The following RYK variants were observed in gnomAD, a reference collection of about 807,000 sequenced individuals.
RYK encodes receptor like tyrosine kinase, also known as inactive tyrosine-protein kinase RYK.
Under a neutral mutation model 70.2 loss-of-function variants are expected in RYK, and 21 were observed. The ratio of observed to expected loss-of-function variants is 0.30; its 90% confidence interval spans 0.21 to 0.43. RYK has a LOEUF of 0.43. Among genes scored for constraint, RYK ranks in the 20% least tolerant of loss-of-function variants. RYK has a pLI of 1.00. For synonymous variants in RYK, 267 were observed against 278.0 expected (o/e 0.96, Z 0.39); for missense variants, 604 against 753.3 (o/e 0.80, Z 2.32).
intron 1 of RYK, among the ~76,000 whole-genome samples, chr3:134,242,709 A>C (rs1002013094): frequency 1.3e-5 from 2 of 152,184 alleles, no homozygotes; most frequent in African/African-American, 4.8e-5. Flanking sequence ...AAATACTCAC[A>C]TGTTTGATTT....
intron 1 of RYK, among the ~76,000 whole-genome samples, chr3:134,245,130 T>C (rs1438708720): frequency 6.6e-6 from 1 of 152,180 alleles, no homozygotes; most frequent in Non-Finnish European, 1.5e-5. Flanking sequence ...ATCTATAAAA[T>C]GGAAATGACA....
intron 5 of RYK, 129 bp from the exon 6 acceptor site, chr3:134,203,003 T>C (rs2014073827): frequency 5.6e-6 from 4 of 711,934 alleles, no homozygotes; most frequent in South Asian, 4.2e-5. Flanking sequence ...ACCAGTAGCA[T>C]ATTGGTGGAA....
chr3:134,162,532 C>T (rs1056920695), intron 13 of RYK, among the ~76,000 whole-genome samples: 7 of 152,110 alleles, frequency 4.6e-5, no homozygotes, highest in African/African-American at 1.7e-4. Flanking sequence ...TTGGAGGCTA[C>T]TGAAATTTCC....
intron 1 of RYK, among the ~76,000 whole-genome samples, chr3:134,238,391 G>C (rs1200528531): frequency 6.6e-6 from 1 of 152,190 alleles, no homozygotes; most frequent in African/African-American, 2.4e-5. Context: ...AGGAGGATTA[G>C]AGAGAGCTTT....
intron 1 of RYK, 78 bp downstream of exon 1, chr3:134,250,345 G>T: frequency 1.1e-6 from 1 of 912,890 alleles, no homozygotes; most frequent in Non-Finnish European, 1.5e-6. Context: ...TCCACGGCTC[G>T]CAGACTGATC....
chr3:134,217,279 C>G (rs941418702), intron 2 of RYK, among the ~76,000 whole-genome samples: 1 of 152,190 alleles, frequency 6.6e-6, no homozygotes, highest in African/African-American at 2.4e-5. Context: ...AGTATTAGAG[C>G]TTGAGAGCCA....
At chr3:134,190,836 T>G (rs1160860675) in intron 8 of RYK, among the ~76,000 whole-genome samples, 1 of 151,896 alleles carries the variant, frequency 6.6e-6, no homozygotes, top group Non-Finnish European at 1.5e-5. Context: ...GATCTCTCAT[T>G]TTTTTTTATT....
chr3:134,189,740 C>CAAAAAAAAAAAAAAAA (rs57016937), intron 8 of RYK, among the ~76,000 whole-genome samples: 2 of 92,668 alleles, frequency 2.2e-5, no homozygotes, highest in Non-Finnish European at 4.1e-5. Flanking sequence ...GAGACTCCGC[C>CAAAAAAAAAAAAAAAA]AAAAAAAAAA....
intron 2 of RYK, among the ~76,000 whole-genome samples, chr3:134,216,335 G>A (rs1308799528): frequency 6.6e-6 from 1 of 152,114 alleles, no homozygotes; most frequent in Non-Finnish European, 1.5e-5. Context: ...AAAGGACACA[G>A]CTGCTGGCCT....
At chr3:134,185,797 T>C (rs780548212) in intron 9 of RYK, among the ~76,000 whole-genome samples, 10 of 152,208 alleles carry the variant, frequency 6.6e-5, no homozygotes, top group Admixed American at 3.9e-4. Context: ...GTACAACAAA[T>C]GGTAATTTCA....
chr3:134,184,089 C>T (rs969667876), intron 9 of RYK, among the ~76,000 whole-genome samples: 8 of 151,848 alleles, frequency 5.3e-5, no homozygotes, highest in Non-Finnish European at 1.0e-4. Flanking sequence ...GAGATTATGG[C>T]CTATTCTGTT....
intron 1 of RYK, among the ~76,000 whole-genome samples, chr3:134,243,019 T>C (rs2015367474): frequency 6.6e-6 from 1 of 152,186 alleles, no homozygotes; most frequent in African/African-American, 2.4e-5. Flanking sequence ...ATCTGGGCCC[T>C]CTGGCAGGTT....
At chr3:134,226,207 G>A (rs950688505) in intron 1 of RYK, among the ~76,000 whole-genome samples, 5 of 152,038 alleles carry the variant, frequency 3.3e-5, no homozygotes, top group Non-Finnish European at 5.9e-5. Flanking sequence ...GAATGAAAAT[G>A]AAACATTACT....
chr3:134,225,884 A>G (rs1018103343), intron 1 of RYK, among the ~76,000 whole-genome samples: 1 of 151,656 alleles, frequency 6.6e-6, no homozygotes, highest in Non-Finnish European at 1.5e-5. Flanking sequence ...AAAAAAAAAA[A>G]GATCAAAGGT....
intron 13 of RYK, among the ~76,000 whole-genome samples, chr3:134,163,054 T>A (rs751926481): frequency 4.6e-5 from 7 of 152,206 alleles, no homozygotes; most frequent in Non-Finnish European, 8.8e-5. Context: ...GCAATGTAGA[T>A]AAGCTTTTAA....
intron 1 of RYK, among the ~76,000 whole-genome samples, chr3:134,224,048 C>A (rs960739455): frequency 2.0e-5 from 3 of 152,166 alleles, no homozygotes; most frequent in Non-Finnish European, 4.4e-5. Flanking sequence ...AGGGTCCAAC[C>A]CTACAGGGCC....
chr3:134,239,643 T>C (rs1320387905), intron 1 of RYK, among the ~76,000 whole-genome samples: 1 of 152,196 alleles, frequency 6.6e-6, no homozygotes, highest in Non-Finnish European at 1.5e-5. Context: ...TTTGTAAGTA[T>C]GATTCACTTG....
chr3:134,218,014 C>T (rs909018021), intron 2 of RYK, among the ~76,000 whole-genome samples: 9 of 152,100 alleles, frequency 5.9e-5, no homozygotes, highest in African/African-American at 1.7e-4. Flanking sequence ...CATCGTAAGA[C>T]GGTTACTTTC....
chr3:134,200,335 A>G (rs1180900150), intron 6 of RYK, among the ~76,000 whole-genome samples: 1 of 152,068 alleles, frequency 6.6e-6, no homozygotes, highest in Non-Finnish European at 1.5e-5. Context: ...CACCACCTTT[A>G]AGAGCTATAA....
Sources: gnomAD v4.1 joint callset for allele counts (sites outside exome capture counted in the v4.1 genomes callset) on GRCh38, gnomAD v4.1.1 for gene constraint, MANE v1.5 for transcripts, NCBI Gene and HGNC (gene_info 2026-07-23, HGNC 2026-07-21) for gene names.